DNAH9: variants seen among roughly 807,000 people sequenced by gnomAD.
DNAH9 encodes the protein DNAH9 variant protein.
DNAH9 carries 345 observed loss-of-function variants against 471.6 expected under a neutral mutation model. The observed-to-expected ratio is 0.73, with a 90% confidence interval of 0.67 to 0.80. The LOEUF is 0.80. DNAH9 is among the 30% of genes least tolerant of loss of function. The probability of loss-of-function intolerance (pLI) is 0.00; values close to 1 mark genes in which losing one functional copy is unlikely to be tolerated. For missense variants in DNAH9, 5,407 were observed against 5,609.2 expected (o/e 0.96, Z 1.15); for synonymous variants, 2,093 against 2,123.6 (o/e 0.99, Z 0.40).
intron 1 of DNAH9, among the ~76,000 whole-genome samples, chr17:11,607,082 C>T (rs1156429167): frequency 1.3e-5 from 2 of 152,184 alleles, no homozygotes; most frequent in African/African-American, 4.8e-5. Context: ...ATTCAAGATC[C>T]TCAACTTTGC....
intron 17 of DNAH9, among the ~76,000 whole-genome samples, chr17:11,673,996 C>G (rs2074012451): frequency 6.6e-6 from 1 of 152,088 alleles, no homozygotes; most frequent in African/African-American, 2.4e-5. Context: ...TGTTCTATTT[C>G]TTTCACTCAG....
chr17:11,628,732 A>G (rs1445072544), intron 6 of DNAH9, among the ~76,000 whole-genome samples: 2 of 152,226 alleles, frequency 1.3e-5, no homozygotes, highest in African/African-American at 2.4e-5. Context: ...AACATGATCC[A>G]TTTGAAATGA....
chr17:11,772,370 G>T (rs1159134277), intron 38 of DNAH9, among the ~76,000 whole-genome samples: 1 of 152,156 alleles, frequency 6.6e-6, no homozygotes, highest in Non-Finnish European at 1.5e-5. Context: ...AGGAAGAGAA[G>T]ATGAGTTTCT....
chr17:11,655,067 A>G (rs528396635), intron 14 of DNAH9, among the ~76,000 whole-genome samples: 130 of 152,220 alleles, frequency 8.5e-4, no homozygotes, highest in African/African-American at 2.8e-3. Flanking sequence ...TTTTTCTGCT[A>G]ATTGGTACAT....
In DNAH9 at chr17:11,679,824, G is replaced by A. The variant is rs766762060; in HGVS notation, c.3421G>A (p.Asp1141Asn). ...SGLLKKVEKG[D>N]FQGLVEIMGH... is the part of the protein sequence containing the mutation. Reference sequence around the variant, plus strand: ...CTTACTCAAGAAAGTTGAAAAAGGAGATTTCCAAGGCTTGGTTGAGATCAT... The same window carrying A: ...CTTACTCAAGAAAGTTGAAAAAGGAAATTTCCAAGGCTTGGTTGAGATCAT... The change falls in exon 18 of 69, where the codon GAT (aspartate) becomes AAT (asparagine). Residue 1141 changes from aspartate to asparagine, a missense_variant. By Grantham distance (23) the Asp-to-Asn change is conservative. Transcript: ENST00000262442. The A allele has an allele frequency of 1.2e-6, 2 of 1,614,150 alleles. No homozygotes were observed. Among genetic ancestry groups the A allele is most frequent in the Non-Finnish European group, 1.7e-6 (2 of 1,180,022 alleles).
chr17:11,868,584 G>T (rs1972145930), intron 50 of DNAH9, among the ~76,000 whole-genome samples: 1 of 152,050 alleles, frequency 6.6e-6, no homozygotes, highest in Admixed American at 6.6e-5. Flanking sequence ...GCCAGTGGAG[G>T]ACTTAGATTC....
chr17:11,634,109 A>G (rs185998282), intron 8 of DNAH9, among the ~76,000 whole-genome samples: 52 of 152,244 alleles, frequency 3.4e-4, no homozygotes, highest in African/African-American at 1.2e-3. Context: ...GCTTGTACCC[A>G]GAGTTTCAGA....
chr17:11,600,132 A>G (rs2072354729), intron 1 of DNAH9, among the ~76,000 whole-genome samples: 1 of 152,166 alleles, frequency 6.6e-6, no homozygotes, highest in Non-Finnish European at 1.5e-5. Context: ...ATATGGAGGT[A>G]TTTCAATATT....
At chr17:11,672,668 C>T (rs1469792531) in intron 17 of DNAH9, among the ~76,000 whole-genome samples, 1 of 152,154 alleles carries the variant, frequency 6.6e-6, no homozygotes, top group African/African-American at 2.4e-5. Context: ...GATAGTCACC[C>T]GCCATGACCC....
chr17:11,658,576 A>G (rs544676414), intron 14 of DNAH9, among the ~76,000 whole-genome samples: 2 of 152,052 alleles, frequency 1.3e-5, no homozygotes, highest in East Asian at 3.9e-4. Flanking sequence ...TGCTCGCCTC[A>G]TTTCCAATTA....
intron 50 of DNAH9, among the ~76,000 whole-genome samples, chr17:11,861,273 G>A (rs1243105509): frequency 1.3e-5 from 2 of 151,856 alleles, no homozygotes; most frequent in Non-Finnish European, 1.5e-5. Flanking sequence ...GAGAATATGC[G>A]GTGTTTGGTT....
chr17:11,861,872 GT>G (rs1338768447), intron 50 of DNAH9, among the ~76,000 whole-genome samples: 3 of 150,592 alleles, frequency 2.0e-5, no homozygotes, highest in African/African-American at 7.3e-5. Context: ...TGATGGGGTT[GT>G]TTTTTTCTTG....
Position 11,807,713 on chromosome 17 carries a change from C to T in DNAH9, c.8421-19C>T, listed in dbSNP as rs1279321987. 1 of 1,594,930 alleles carries T rather than the reference C, an allele frequency of 6.3e-7. No homozygotes were observed. Among genetic ancestry groups the T allele is most frequent in the East Asian group, 2.3e-5 (1 of 44,430 alleles). The stretch of plus-strand genomic sequence containing the variant: ...GAAAGTCTGATCAAAGCAACATGTG[C>T]CTGCTTCCTTCTCTTTAGCTGCCAT... On this transcript the variant is annotated intron_variant, in intron 43 of 68. Coordinates refer to ENST00000262442, the MANE Select transcript of DNAH9 (RefSeq NM_001372.4).
chr17:11,924,518 G>A (rs1296597279), intron 62 of DNAH9, among the ~76,000 whole-genome samples: 2 of 151,152 alleles, frequency 1.3e-5, no homozygotes, highest in African/African-American at 4.9e-5. Context: ...AAAGAATTTA[G>A]CCCTCTCTAT....
At chr17:11,676,204 A>G (rs552873558) in intron 17 of DNAH9, among the ~76,000 whole-genome samples, 2 of 152,040 alleles carry the variant, frequency 1.3e-5, no homozygotes, top group South Asian at 4.2e-4. Flanking sequence ...TATTATTATA[A>G]AATGGATAAG....
intron 68 of DNAH9, among the ~76,000 whole-genome samples, chr17:11,965,410 C>G (rs1408354363): frequency 6.6e-6 from 1 of 152,228 alleles, no homozygotes; most frequent in Non-Finnish European, 1.5e-5. Context: ...GAGCAGGCCA[C>G]TTCAGTGGCC....
At chr17:11,666,209 C>T (rs1415691523) in intron 15 of DNAH9, among the ~76,000 whole-genome samples, 1 of 152,184 alleles carries the variant, frequency 6.6e-6, no homozygotes, top group Non-Finnish European at 1.5e-5. Flanking sequence ...GACCAAGCCT[C>T]CTCTAATGCT....
rs1008319704 is a variant in DNAH9 at position 11,932,553 on chromosome 17, T to A, written c.12297+348T>A. On this transcript the variant is annotated intron_variant, in intron 64 of 68. Transcript: ENST00000262442. The surrounding 1 kb of genome is among the most constrained non-coding windows in gnomAD (Gnocchi z 4.3). Reference sequence around the variant, plus strand: ...ACTGAATCAGCGCATTTTAACGAGATTCTCTGGTAATTCGTATGCACGTTA... The same window carrying A: ...ACTGAATCAGCGCATTTTAACGAGAATCTCTGGTAATTCGTATGCACGTTA... Among the ~76,000 whole-genome samples the A allele has an allele frequency of 7.2e-5, 11 of 152,272 alleles. No homozygotes were observed. Among genetic ancestry groups the A allele is most frequent in the South Asian group, 2.1e-4 (1 of 4,820 alleles).
chr17:11,946,412 C>A (rs1345341774), intron 67 of DNAH9, among the ~76,000 whole-genome samples: 3 of 151,374 alleles, frequency 2.0e-5, no homozygotes, highest in African/African-American at 7.3e-5. Flanking sequence ...ACCTGTAATC[C>A]CAGCACTTTG....
Sources: gnomAD v4.1 joint callset for allele counts (sites outside exome capture counted in the v4.1 genomes callset) on GRCh38, gnomAD v4.1.1 for gene constraint, Gnocchi (gnomAD v3.1) non-coding constraint, MANE v1.5 for transcripts, NCBI Gene and HGNC (gene_info 2026-07-23, HGNC 2026-07-21) for gene names.